Variants in SRBD1 observed in about 807,000 individuals in gnomAD.
SRBD1 encodes the protein S1 RNA binding domain 1.
Under a neutral mutation model 115.3 loss-of-function variants are expected in SRBD1, and 88 were observed. The observed-to-expected ratio is 0.76, with a 90% CI of 0.64 to 0.91. The LOEUF (loss-of-function observed/expected upper bound fraction) is 0.91. SRBD1 is among the 40% of genes least tolerant of loss of function. The pLI is 0.00. For missense variants in SRBD1, 1,385 were observed against 1,177.4 expected (o/e 1.18, Z -2.58); for synonymous variants, 509 against 407.7 (o/e 1.25, Z -2.99).
Position 45,551,191 on chromosome 2 carries a change from G to A in SRBD1, c.1609C>T (p.Arg537Cys), listed in dbSNP as rs140504017. Reference protein sequence around the residue: ...QLLLTSPVPGRTLMGVDPGYK... With the variant: ...QLLLTSPVPGCTLMGVDPGYK... ...CCAGGATCCACTCCCATTAAGGTGC[G>A]CCCTGGAACAGGGCTTGTTAAAAGG... Residue 537 changes from arginine (R) to cysteine (C), a missense_variant, in exon 12 of 21, where the codon CGC (arginine) becomes TGC (cysteine). By Grantham distance (180) the Arg-to-Cys change is radical. Transcript: ENST00000263736. The A allele has an allele frequency of 2.7e-4, 434 of 1,612,744 alleles. 1 individual carries two copies. In the African/African-American group the frequency reaches 3.1e-3, roughly 12 times the overall value.
intron 1 of SRBD1, among the ~76,000 whole-genome samples, chr2:45,606,326 A>G (rs567791272): frequency 6.6e-6 from 1 of 152,084 alleles, no homozygotes; most frequent in South Asian, 2.1e-4. Flanking sequence ...CACCCGGCTA[A>G]TTTTGTATTT....
At chr2:45,403,720 T>C (rs574041771) in intron 19 of SRBD1, among the ~76,000 whole-genome samples, 1 of 152,262 alleles carries the variant, frequency 6.6e-6, no homozygotes, top group Admixed American at 6.5e-5. Context: ...TTTTTGACCA[T>C]CTGAGCCTAT....
intron 14 of SRBD1, among the ~76,000 whole-genome samples, chr2:45,539,707 T>C (rs912632099): frequency 6.6e-6 from 1 of 152,138 alleles, no homozygotes; most frequent in Non-Finnish European, 1.5e-5. Context: ...ACTGGTAGTA[T>C]CTAAGGGAGT....
intron 14 of SRBD1, among the ~76,000 whole-genome samples, chr2:45,510,086 C>A (rs1670921056): frequency 6.6e-6 from 1 of 152,014 alleles, no homozygotes; most frequent in Admixed American, 6.6e-5. Flanking sequence ...TTTAAATATC[C>A]CCCCAAATAC....
chr2:45,428,607 T>C (rs1045118545), intron 16 of SRBD1, among the ~76,000 whole-genome samples: 3 of 151,910 alleles, frequency 2.0e-5, no homozygotes, highest in African/African-American at 7.2e-5. Context: ...AATAAGTTCT[T>C]TGAAACCAAT....
chr2:45,559,355 C>T (rs1672588119), intron 10 of SRBD1, among the ~76,000 whole-genome samples: 1 of 152,216 alleles, frequency 6.6e-6, no homozygotes, highest in East Asian at 1.9e-4. Context: ...AATCTTCATT[C>T]CATGTCACTT....
chr2:45,467,593 A>G (rs1669528987), intron 16 of SRBD1, among the ~76,000 whole-genome samples: 1 of 152,148 alleles, frequency 6.6e-6, no homozygotes, highest in Admixed American at 6.6e-5. Flanking sequence ...TAATTCCTAA[A>G]ATTCACAGAA....
chr2:45,477,448 T>C (rs1669837362), intron 15 of SRBD1, among the ~76,000 whole-genome samples: 1 of 152,236 alleles, frequency 6.6e-6, no homozygotes. Context: ...AAACCTTGTT[T>C]TAAATAATTC....
chr2:45,593,890 AT>A (rs1673804572), intron 4 of SRBD1, among the ~76,000 whole-genome samples: 1 of 152,208 alleles, frequency 6.6e-6, no homozygotes, highest in Non-Finnish European at 1.5e-5. Flanking sequence ...AGAAGGAGGA[AT>A]TGGAAAATAG....
chr2:45,395,555 A>T lies in SRBD1; in HGVS notation c.2514-2426T>A, dbSNP rs529359893. On this transcript the variant is annotated intron_variant, in intron 19 of 20. Transcript: ENST00000263736. ...CCTGAGGGCATTAGTAACTGAAATCAATAAAAAAGCACCAACTTGTGCTCC... is the reference window on the plus strand; with the variant it reads ...CCTGAGGGCATTAGTAACTGAAATCTATAAAAAAGCACCAACTTGTGCTCC... 2.0e-5 allele frequency among the ~76,000 whole-genome samples: 3 copies of T among 152,354 alleles called. No homozygotes were observed. The South Asian group carries it at 6.2e-4, about 32-fold the overall frequency.
chr2:45,568,314 C>G (rs997090818), intron 9 of SRBD1, among the ~76,000 whole-genome samples: 1 of 152,142 alleles, frequency 6.6e-6, no homozygotes, highest in Non-Finnish European at 1.5e-5. Flanking sequence ...CAGTAATTTT[C>G]CTTCACCACA....
chr2:45,433,233 G>A (rs994542937), intron 16 of SRBD1, among the ~76,000 whole-genome samples: 2 of 152,090 alleles, frequency 1.3e-5, no homozygotes, highest in South Asian at 4.1e-4. Context: ...GGGTAAATGA[G>A]GATATACTGA....
At chr2:45,509,723 A>G (rs545614958) in intron 14 of SRBD1, among the ~76,000 whole-genome samples, 3 of 151,894 alleles carry the variant, frequency 2.0e-5, no homozygotes, top group African/African-American at 7.2e-5. Context: ...GTTTGTCTCC[A>G]GATATTTTTC....
At chr2:45,555,109 G>A (rs1310760389) in intron 10 of SRBD1, among the ~76,000 whole-genome samples, 2 of 152,330 alleles carry the variant, frequency 1.3e-5, no homozygotes, top group South Asian at 2.1e-4. Flanking sequence ...AGCCCAGGCT[G>A]GGCACAGTAA....
At chr2:45,428,589 A>C (rs140743353) in intron 16 of SRBD1, among the ~76,000 whole-genome samples, 7,057 of 151,592 alleles carry the variant, frequency 0.047, 324 homozygotes, top group East Asian at 0.15. Context: ...TAAATACATA[A>C]ATAAATAAAT....
At chr2:45,455,629 A>G (rs558934007) in intron 16 of SRBD1, among the ~76,000 whole-genome samples, 2 of 151,744 alleles carry the variant, frequency 1.3e-5, no homozygotes, top group East Asian at 3.9e-4. Context: ...CTTCCCTGTC[A>G]CCCCCCTTCT....
chr2:45,517,687 T>TA (rs1372028184), intron 14 of SRBD1, among the ~76,000 whole-genome samples: 4 of 152,202 alleles, frequency 2.6e-5, no homozygotes, highest in Admixed American at 2.0e-4. Context: ...TAACTTATGA[T>TA]AACAATTTAT....
intron 16 of SRBD1, among the ~76,000 whole-genome samples, chr2:45,457,425 C>T (rs1669187809): frequency 6.6e-6 from 1 of 151,960 alleles, no homozygotes; most frequent in South Asian, 2.1e-4. Context: ...TTTTGGCCAA[C>T]AGAGCCCTAA....
At position 45,547,574 on chromosome 2, in the gene SRBD1, C is replaced by T. The variant is rs1192885656; in HGVS notation, c.1714G>A (p.Gly572Arg). 1 of 1,613,554 alleles carries T rather than the reference C, an allele frequency of 6.2e-7. No individual in the cohort carries two copies. Among genetic ancestry groups the T allele is most frequent in the Non-Finnish European group, 8.5e-7 (1 of 1,179,760 alleles). Residue 572 changes from glycine to arginine, a missense_variant, in exon 13 of 21, where the codon GGA (glycine) becomes AGA (arginine). Coordinates refer to ENST00000263736, the MANE Select transcript of SRBD1 (RefSeq NM_018079.5). ...LHTDVVYLHC[G>R]QGFREAEKIK... ...TTCTCCGCCTCTCGGAAGCCTTGTCCACAATGCAAGTAAACCACATCAGTA... is the reference window on the plus strand; with the variant it reads ...TTCTCCGCCTCTCGGAAGCCTTGTCTACAATGCAAGTAAACCACATCAGTA...
Sources: allele counts gnomAD v4.1 joint callset (sites outside exome capture counted in the v4.1 genomes callset), GRCh38; gene constraint gnomAD v4.1.1; transcripts MANE v1.5; gene names NCBI Gene and HGNC (gene_info 2026-07-23, HGNC 2026-07-21).